The following MYO3B variants were observed in gnomAD, a reference collection of about 807,000 sequenced individuals.
The protein encoded by MYO3B is myosin-IIIb.
A neutral mutation model predicts 174.6 loss-of-function variants in MYO3B; 156 were observed. The observed-to-expected ratio is 0.89, with a 90% CI of 0.78 to 1.02. The LOEUF (loss-of-function observed/expected upper bound fraction) is 1.02. Ranked by LOEUF, MYO3B falls within the 50% of genes least tolerant of loss-of-function variation. The pLI is 0.00. For missense variants in MYO3B, 1,632 were observed against 1,639.4 expected (o/e 1.00, Z 0.08); for synonymous variants, 563 against 569.1 (o/e 0.99, Z 0.15).
intron 7 of MYO3B, among the ~76,000 whole-genome samples, chr2:170,261,407 C>G (rs1407626790): frequency 6.6e-6 from 1 of 152,102 alleles, no homozygotes; most frequent in Non-Finnish European, 1.5e-5. Flanking sequence ...CAAAACAAAA[C>G]CTGGACATGG....
chr2:170,544,043 C>T (rs745776327), intron 32 of MYO3B, 55 bp downstream of exon 32: 8 of 1,385,696 alleles, frequency 5.8e-6, no homozygotes, highest in South Asian at 3.6e-5. Flanking sequence ...TGTTTGTGTA[C>T]TTTTTAGTGT....
At chr2:170,490,106 G>A (rs1242135765) in intron 25 of MYO3B, among the ~76,000 whole-genome samples, 13 of 146,694 alleles carry the variant, frequency 8.9e-5, no homozygotes, top group African/African-American at 3.1e-4. Context: ...TTGGCTCACT[G>A]CAACCTCCGC....
intron 22 of MYO3B, among the ~76,000 whole-genome samples, chr2:170,438,718 TC>T (rs1191400337): frequency 6.6e-6 from 1 of 152,004 alleles, no homozygotes; most frequent in East Asian, 1.9e-4. Flanking sequence ...CACTGCAGCC[TC>T]CCCCTCCCAA....
rs1013805019 is a variant in MYO3B at position 170,619,317 on chromosome 2, C to T, written c.3734-32311C>T. Reference sequence around the variant, plus strand: ...GCTCTCTGCAGGGGGAATCACATCACGTGCAGTTGGCTCATTCTGGCAGTC... The same window carrying T: ...GCTCTCTGCAGGGGGAATCACATCATGTGCAGTTGGCTCATTCTGGCAGTC... On this transcript the variant is annotated intron_variant, in intron 32 of 34. Transcript: ENST00000408978. 4.6e-5 allele frequency among the ~76,000 whole-genome samples: 7 copies of T among 152,174 alleles called. 1 individual carries two copies. Among genetic ancestry groups the T allele is most frequent in the South Asian group, 2.1e-4 (1 of 4,822 alleles).
chr2:170,400,556 C>T (rs562874802), intron 17 of MYO3B, among the ~76,000 whole-genome samples: 2 of 152,064 alleles, frequency 1.3e-5, no homozygotes, highest in South Asian at 4.2e-4. Flanking sequence ...AGGCGCCTGC[C>T]ACCACGCCTG....
chr2:170,511,567 A>G (rs1687993132), intron 28 of MYO3B, among the ~76,000 whole-genome samples: 1 of 152,186 alleles, frequency 6.6e-6, no homozygotes, highest in African/African-American at 2.4e-5. Flanking sequence ...ACTTCCTGTA[A>G]TTATCATTAT....
chr2:170,652,859 C>T, intron 34 of MYO3B, 124 bp from the exon 35 acceptor site: 1 of 1,016,644 alleles, frequency 9.8e-7, no homozygotes, highest in South Asian at 1.5e-5. Flanking sequence ...TAGGAGCTGT[C>T]CTTCCCCTCC....
rs2094475586 is a variant in MYO3B at position 170,401,505 on chromosome 2, C to T, written c.1943C>T (p.Pro648Leu). 6.2e-7 allele frequency: 1 copy of T among 1,614,086 alleles called. No individual in the cohort carries two copies. Among genetic ancestry groups the T allele is most frequent in the East Asian group, 2.2e-5 (1 of 44,866 alleles). ...GCTGCCTCTGTTCTGTGCATTAGCC[C>T]TGAAGAGCTCCAGGAGGCCCTCACC... ...QNAASVLCIS[P>L]EELQEALTSH... Residue 648 changes from proline (P) to leucine (L), a missense_variant, in exon 18 of 35, where the codon CCT becomes CTT. Transcript: ENST00000408978.
intron 7 of MYO3B, among the ~76,000 whole-genome samples, chr2:170,329,152 C>CAAA (rs57648392): frequency 7.3e-6 from 1 of 136,860 alleles, no homozygotes. Flanking sequence ...ACTCTGTCTC[C>CAAA]AAAAAAAAAA....
intron 16 of MYO3B, among the ~76,000 whole-genome samples, chr2:170,395,662 C>A (rs1398025615): frequency 3.3e-5 from 5 of 151,946 alleles, no homozygotes; most frequent in African/African-American, 1.2e-4. Flanking sequence ...CAAAGGAGAC[C>A]GAGAAGTGTT....
chr2:170,227,011 A>G (rs1273430515), intron 6 of MYO3B, among the ~76,000 whole-genome samples: 2 of 152,174 alleles, frequency 1.3e-5, no homozygotes, highest in Admixed American at 6.5e-5. Context: ...TGGGTCCCAA[A>G]TTACCCATGA....
chr2:170,272,778 T>C (rs2093434812), intron 7 of MYO3B, among the ~76,000 whole-genome samples: 1 of 152,154 alleles, frequency 6.6e-6, no homozygotes, highest in Non-Finnish European at 1.5e-5. Context: ...CCCTTTTCTG[T>C]TTTTCTTTTG....
chr2:170,271,813 T>TA (rs1216149004), intron 7 of MYO3B, among the ~76,000 whole-genome samples: 1 of 152,230 alleles, frequency 6.6e-6, no homozygotes, highest in Non-Finnish European at 1.5e-5. Flanking sequence ...CACTGACTGA[T>TA]ACTATAGTGG....
intron 32 of MYO3B, among the ~76,000 whole-genome samples, chr2:170,604,340 A>G (rs1694689324): frequency 6.6e-6 from 1 of 152,204 alleles, no homozygotes; most frequent in Non-Finnish European, 1.5e-5. Flanking sequence ...CACACAAGGT[A>G]GTGATGGCAA....
chr2:170,610,604 T>G (rs1008232875), intron 32 of MYO3B, among the ~76,000 whole-genome samples: 3 of 152,232 alleles, frequency 2.0e-5, no homozygotes, highest in African/African-American at 7.2e-5. Flanking sequence ...CAAATGAATT[T>G]AAATAACTTC....
At position 170,222,530 on chromosome 2, in the gene MYO3B, C is replaced by G. The variant is rs182322643; in HGVS notation, c.603+5135C>G. On this transcript the variant is annotated intron_variant, in intron 6 of 34. Coordinates refer to ENST00000408978, the MANE Select transcript of MYO3B (RefSeq NM_138995.5). ...AGGTTTGCTGGTGATCTTTGGTGTT[C>G]CCTGGCTTGCAAGCTGCGTAACTCC... is the stretch of plus-strand genomic sequence containing the variant. 3.9e-5 allele frequency among the ~76,000 whole-genome samples: 6 copies of G among 152,168 alleles called. No homozygotes were observed. The East Asian group carries it at 1.2e-3, about 29-fold the overall frequency.
At chr2:170,626,591 T>C (rs1189408288) in intron 32 of MYO3B, among the ~76,000 whole-genome samples, 1 of 152,220 alleles carries the variant, frequency 6.6e-6, no homozygotes, top group Non-Finnish European at 1.5e-5. Context: ...CCTGTCATTA[T>C]GATGTTAGCT....
chr2:170,224,005 T>G (rs895592036), intron 6 of MYO3B, among the ~76,000 whole-genome samples: 3 of 152,146 alleles, frequency 2.0e-5, no homozygotes, highest in South Asian at 2.1e-4. Context: ...CCTGGGACAT[T>G]TCTGACCTGA....
At chr2:170,497,360 T>C (rs1049475173) in intron 25 of MYO3B, among the ~76,000 whole-genome samples, 2 of 152,360 alleles carry the variant, frequency 1.3e-5, no homozygotes, top group Non-Finnish European at 2.9e-5. Context: ...CTCACGCCTG[T>C]AATCCCAGCA....
Sources: allele counts gnomAD v4.1 joint callset (sites outside exome capture counted in the v4.1 genomes callset), GRCh38; gene constraint gnomAD v4.1.1; transcripts MANE v1.5; gene names NCBI Gene and HGNC (gene_info 2026-07-23, HGNC 2026-07-21).